FABP7: variants seen among roughly 807,000 people sequenced by gnomAD.
The protein encoded by FABP7 is fatty acid binding protein 7, also known as fatty acid-binding protein, brain.
In FABP7, 13 loss-of-function variants were observed where a neutral mutation model predicts 14.2. That is an observed-to-expected ratio of 0.91 (90% CI 0.59 to 1.45). The LOEUF (loss-of-function observed/expected upper bound fraction) is 1.45. FABP7 is among the 40% of genes most tolerant of loss of function. The pLI, the probability that FABP7 is intolerant of heterozygous loss-of-function variation, is 0.00. For missense variants in FABP7, 149 were observed against 157.6 expected (o/e 0.95, Z 0.29); for synonymous variants, 49 against 51.4 (o/e 0.95, Z 0.20).
chr6:122,775,346 A>AT (rs1780653252), upstream of FABP7, among the ~76,000 whole-genome samples: 1 of 53,168 alleles, frequency 1.9e-5, no homozygotes, highest in Non-Finnish European at 8.1e-5. Context: ...TAGAGTACAC[A>AT]GAAAAAGTTT....
chr6:122,760,878 T>A, the FABP7 span, among the ~76,000 whole-genome samples: 3 of 152,136 alleles, frequency 2.0e-5, no homozygotes, highest in Admixed American at 2.0e-4. Flanking sequence ...ATATCACTAT[T>A]ATAACTTAAA....
the FABP7 span, among the ~76,000 whole-genome samples, chr6:122,763,028 A>G: frequency 6.6e-6 from 1 of 152,222 alleles, no homozygotes; most frequent in South Asian, 2.1e-4. Context: ...ACAGAATTGG[A>G]AAAAAACTAC....
the FABP7 span, among the ~76,000 whole-genome samples, chr6:122,774,388 AC>A: frequency 2.7e-5 from 1 of 36,764 alleles, no homozygotes. Flanking sequence ...AAAAAAAAAG[AC>A]AGAGAGAGAG....
In FABP7 at chr6:122,781,168, G is replaced by T. The variant is rs372533301; in HGVS notation, c.322G>T (p.Glu108Ter). The T allele has an allele frequency of 1.2e-6, 2 of 1,613,886 alleles. No homozygotes were observed. The highest frequency in any genetic ancestry group is 2.7e-5 in the African/African-American group (2 of 74,910). The change falls in exon 3 of 4, where the codon GAA (glutamate) becomes TAA (stop). Residue 108 changes from glutamate to a stop codon, truncating the protein, a stop_gained. Coordinates refer to ENST00000368444, the MANE Select transcript of FABP7 (RefSeq NM_001446.5). LOFTEE classifies it high-confidence loss of function. ...WDGKETNFVREIKDGKMVMTL... is the reference protein window; with the variant it reads ...WDGKETNFVR ...TGGCAAAGAAACAAATTTTGTAAGAGAAATTAAGGATGGCAAAATGGTTAT... is the reference window on the plus strand; with the variant it reads ...TGGCAAAGAAACAAATTTTGTAAGATAAATTAAGGATGGCAAAATGGTTAT...
At chr6:122,771,809 CTT>C in the FABP7 span, among the ~76,000 whole-genome samples, 2 of 152,194 alleles carry the variant, frequency 1.3e-5, no homozygotes, top group South Asian at 2.1e-4. Flanking sequence ...TGGCTGAAAA[CTT>C]AGAAAAGATC....
intron 3 of FABP7, chr6:122,782,985 CTA>C: frequency 1.0e-6 from 1 of 985,384 alleles, no homozygotes. Flanking sequence ...GCATGCATGA[CTA>C]TGATCAGGCA....
At chr6:122,776,165 A>G (rs547709024), upstream of FABP7, among the ~76,000 whole-genome samples, 3 of 152,292 alleles carry the variant, frequency 2.0e-5, no homozygotes, top group South Asian at 6.2e-4. Context: ...CAATAATCCC[A>G]TTGCAGTGTA....
the FABP7 span, among the ~76,000 whole-genome samples, chr6:122,765,564 T>A: frequency 6.6e-6 from 1 of 152,096 alleles, no homozygotes; most frequent in Non-Finnish European, 1.5e-5. Flanking sequence ...CTAATATTTT[T>A]ATTTTCACTA....
the FABP7 span, among the ~76,000 whole-genome samples, chr6:122,750,012 C>T: frequency 6.6e-6 from 1 of 152,036 alleles, no homozygotes; most frequent in Non-Finnish European, 1.5e-5. Flanking sequence ...GATACCAGCT[C>T]AACTAGCTGA....
chr6:122,765,082 A>G, the FABP7 span, among the ~76,000 whole-genome samples: 1 of 152,190 alleles, frequency 6.6e-6, no homozygotes, highest in Non-Finnish European at 1.5e-5. Context: ...TTACAGGCAC[A>G]TGTAATGGGA....
chr6:122,766,553 G>A, the FABP7 span, among the ~76,000 whole-genome samples: 1 of 152,016 alleles, frequency 6.6e-6, no homozygotes, highest in Non-Finnish European at 1.5e-5. Context: ...AGTCCATACA[G>A]TATTAGATGA....
chr6:122,750,982 T>A, the FABP7 span, among the ~76,000 whole-genome samples: 4 of 152,242 alleles, frequency 2.6e-5, no homozygotes, highest in East Asian at 7.7e-4. Context: ...CTGGTTTATA[T>A]ATCACCTCAT....
the FABP7 span, among the ~76,000 whole-genome samples, chr6:122,753,780 T>TCCCCCCTCCCCCCCCCCC: frequency 2.2e-5 from 1 of 45,018 alleles, no homozygotes; most frequent in Non-Finnish European, 4.6e-5. Context: ...TGGGTCCAAA[T>TCCCCCCTCCCCCCCCCCC]CCCGCCCCCC....
chr6:122,777,194 C>T (rs993370383), upstream of FABP7, among the ~76,000 whole-genome samples: 1 of 152,114 alleles, frequency 6.6e-6, no homozygotes, highest in East Asian at 1.9e-4. Context: ...TAGAAAAATA[C>T]TTACACATCC....
chr6:122,761,285 G>A, the FABP7 span, among the ~76,000 whole-genome samples: 1 of 152,036 alleles, frequency 6.6e-6, no homozygotes, highest in Admixed American at 6.6e-5. Context: ...AAATACTATA[G>A]AAATACCAAA....
In FABP7 at chr6:122,780,328, C is replaced by G. The variant is rs139990122; in HGVS notation, c.111C>G (p.Thr37=). The stretch of plus-strand genomic sequence containing the variant: ...CCACTAGGCAGGTGGGAAATGTGAC[C>G]AAACCAACGGTAATTATCAGTCAAG... ...GFATRQVGNV[T]KPTVIISQEG... The change falls in exon 2 of 4, where the codon ACC becomes ACG. Residue 37 remains threonine (T), a synonymous_variant. Coordinates refer to ENST00000368444, the MANE Select transcript of FABP7 (RefSeq NM_001446.5). The G allele has an allele frequency of 5.7e-4, 927 of 1,614,084 alleles. 7 individuals are homozygous for G. Among genetic ancestry groups the G allele is most frequent in the Middle Eastern group, 1.6e-4 (1 of 6,062 alleles).
chr6:122,768,679 C>A, the FABP7 span, among the ~76,000 whole-genome samples: 683 of 152,212 alleles, frequency 4.5e-3, 2 homozygotes, highest in Non-Finnish European at 7.2e-3. Context: ...ATTGGACCAA[C>A]ATGGACAAGT....
At chr6:122,750,401 A>AACACAT in the FABP7 span, among the ~76,000 whole-genome samples, 42 of 152,320 alleles carry the variant, frequency 2.8e-4, 1 homozygote, top group African/African-American at 1.0e-3. Flanking sequence ...AAGCAAGAAA[A>AACACAT]ACACATTTTA....
At chr6:122,765,932 G>C in the FABP7 span, among the ~76,000 whole-genome samples, 1 of 151,694 alleles carries the variant, frequency 6.6e-6, no homozygotes, top group African/African-American at 2.4e-5. Flanking sequence ...TGTTTTTATA[G>C]CTCTGCCCAC....
Sources: gnomAD v4.1 joint callset for allele counts (sites outside exome capture counted in the v4.1 genomes callset) on GRCh38, gnomAD v4.1.1 for gene constraint, MANE v1.5 for transcripts, NCBI Gene and HGNC (gene_info 2026-07-23, HGNC 2026-07-21) for gene names.